FSTL4: variants seen among roughly 807,000 people sequenced by gnomAD.
The protein encoded by FSTL4 is follistatin-related protein 4.
FSTL4 carries 28 observed loss-of-function variants against 78.2 expected under a neutral mutation model. The observed-to-expected ratio is 0.36, with a 90% CI of 0.27 to 0.49. The LOEUF (loss-of-function observed/expected upper bound fraction) is 0.49. Among genes scored for constraint, FSTL4 ranks in the 20% least tolerant of loss-of-function variants. The probability of loss-of-function intolerance (pLI) is 0.98; values close to 1 mark genes in which losing one functional copy is unlikely to be tolerated. For synonymous variants in FSTL4, 422 were observed against 440.5 expected (o/e 0.96, Z 0.53); for missense variants, 922 against 1,084.9 (o/e 0.85, Z 2.11).
chr5:133,740,305 C>T, the FSTL4 span, among the ~76,000 whole-genome samples: 11 of 152,254 alleles, frequency 7.2e-5, no homozygotes, highest in East Asian at 2.1e-3. Flanking sequence ...GCATTCTCTC[C>T]TATAAGCACA....
At chr5:133,448,703 G>A (rs1757316019) in intron 3 of FSTL4, among the ~76,000 whole-genome samples, 1 of 127,584 alleles carries the variant, frequency 7.8e-6, no homozygotes, top group African/African-American at 2.9e-5. Context: ...CCCAAGGTCA[G>A]ACAGTGCGGC....
intron 4 of FSTL4, among the ~76,000 whole-genome samples, chr5:133,326,823 T>A (rs1006742813): frequency 6.6e-6 from 1 of 152,222 alleles, no homozygotes; most frequent in African/African-American, 2.4e-5. Flanking sequence ...CTTGGGTGAA[T>A]AACTTCACGT....
intron 4 of FSTL4, chr5:133,388,516 G>C (rs529870552): frequency 1.3e-5 from 2 of 151,802 alleles, no homozygotes; most frequent in African/African-American, 4.8e-5. Context: ...AACTGAAGGG[G>C]AGAAGCTGCC....
chr5:133,264,499 G>A (rs1055906672), intron 6 of FSTL4, among the ~76,000 whole-genome samples: 1 of 152,134 alleles, frequency 6.6e-6, no homozygotes. Flanking sequence ...CAGGCTTGGG[G>A]GGCTCACCTG....
chr5:133,657,481 AG>A, the FSTL4 span, among the ~76,000 whole-genome samples: 1 of 152,214 alleles, frequency 6.6e-6, no homozygotes, highest in East Asian at 1.9e-4. Context: ...TGCTCACTTC[AG>A]TGCACACAAT....
At chr5:133,682,315 C>A in the FSTL4 span, among the ~76,000 whole-genome samples, 85 of 152,332 alleles carry the variant, frequency 5.6e-4, no homozygotes, top group African/African-American at 1.8e-3. Flanking sequence ...CATTCCCAAT[C>A]CCCCTAGTCT....
intron 4 of FSTL4, among the ~76,000 whole-genome samples, chr5:133,348,058 T>A (rs1754734704): frequency 6.6e-6 from 1 of 152,172 alleles, no homozygotes; most frequent in South Asian, 2.1e-4. Context: ...CAGTGAATTG[T>A]TTTTTTCTCC....
In FSTL4 at chr5:133,249,526, C is replaced by A; in HGVS notation, c.778G>T (p.Val260Leu). 6.2e-7 allele frequency: 1 copy of A among 1,613,174 alleles called. No individual in the cohort carries two copies. The highest frequency in any genetic ancestry group is 8.5e-7 in the Non-Finnish European group (1 of 1,179,244). ...APEDRVSVTT[V>L]TVGLSTVLTC... ...AGCACTGTGCTCAGCCCCACGGTCACTGTGGTCACACTGACCCTGTCCTCG... is the reference window on the plus strand; with the variant it reads ...AGCACTGTGCTCAGCCCCACGGTCAATGTGGTCACACTGACCCTGTCCTCG... The change falls in exon 7 of 16, where the codon GTG becomes TTG. Residue 260 changes from valine (V) to leucine (L), a missense_variant. Physicochemically the swap from Val to Leu is conservative, Grantham distance 32. Coordinates refer to ENST00000265342, the MANE Select transcript of FSTL4 (RefSeq NM_015082.2).
chr5:133,593,767 T>C lies in FSTL4; in HGVS notation c.126+10091A>G, dbSNP rs564477727. On this transcript the variant is annotated intron_variant, in intron 2 of 15. Transcript: ENST00000265342. ...TATTACTTAATAAATATGCCCACTT[T>C]TCTTTAGGCTAAAGTTGAGATCTTA... 3.2e-4 allele frequency among the ~76,000 whole-genome samples: 48 copies of C among 152,332 alleles called. No individual in the cohort carries two copies. In the South Asian group the frequency reaches 6.6e-3, roughly 21 times the overall value.
chr5:133,795,269 G>A, the FSTL4 span, among the ~76,000 whole-genome samples: 1 of 152,224 alleles, frequency 6.6e-6, no homozygotes, highest in Admixed American at 6.5e-5. Flanking sequence ...AGGCCGGCAA[G>A]GGGATAGTGG....
the FSTL4 span, among the ~76,000 whole-genome samples, chr5:133,650,207 C>A: frequency 6.6e-6 from 1 of 152,152 alleles, no homozygotes; most frequent in East Asian, 1.9e-4. Context: ...GGATTCACCC[C>A]CATGACCCAA....
At chr5:133,529,200 T>C (rs1759199731) in intron 3 of FSTL4, among the ~76,000 whole-genome samples, 1 of 152,230 alleles carries the variant, frequency 6.6e-6, no homozygotes, top group South Asian at 2.1e-4. Context: ...ATGGAGACTA[T>C]TTGTTATTGG....
chr5:133,727,401 A>G, the FSTL4 span, among the ~76,000 whole-genome samples: 1 of 152,166 alleles, frequency 6.6e-6, no homozygotes, highest in African/African-American at 2.4e-5. Flanking sequence ...AGCTGTATCT[A>G]TATAATAAAT....
At chr5:133,319,941 T>C (rs1393978207) in intron 4 of FSTL4, among the ~76,000 whole-genome samples, 1 of 152,212 alleles carries the variant, frequency 6.6e-6, no homozygotes, top group East Asian at 1.9e-4. Context: ...CCATGGACCC[T>C]GGAGGAAAGG....
intron 3 of FSTL4, among the ~76,000 whole-genome samples, chr5:133,531,836 C>T (rs956261836): frequency 2.6e-5 from 4 of 152,184 alleles, no homozygotes; most frequent in Non-Finnish European, 5.9e-5. Context: ...CATCCATCCC[C>T]GTAGGACACA....
At chr5:133,749,482 G>T in the FSTL4 span, among the ~76,000 whole-genome samples, 1 of 152,190 alleles carries the variant, frequency 6.6e-6, no homozygotes, top group Non-Finnish European at 1.5e-5. Context: ...ATTTGCTCCC[G>T]CAGCTGAACC....
At chr5:133,598,645 C>G (rs2112974310) in intron 2 of FSTL4, among the ~76,000 whole-genome samples, 1 of 152,242 alleles carries the variant, frequency 6.6e-6, no homozygotes, top group African/African-American at 2.4e-5. Context: ...GAAGTGGCCC[C>G]CACATCAACC....
chr5:133,456,566 C>G (rs1350190889), intron 3 of FSTL4, among the ~76,000 whole-genome samples: 1 of 152,188 alleles, frequency 6.6e-6, no homozygotes, highest in African/African-American at 2.4e-5. Context: ...CTGCTGAGGC[C>G]AACAGCCCTT....
At chr5:133,462,619 C>T (rs1757615684) in intron 3 of FSTL4, among the ~76,000 whole-genome samples, 1 of 152,160 alleles carries the variant, frequency 6.6e-6, no homozygotes, top group South Asian at 2.1e-4. Flanking sequence ...CGGTAGACTA[C>T]CCTGGCCAGT....
Sources: allele counts gnomAD v4.1 joint callset (sites outside exome capture counted in the v4.1 genomes callset), GRCh38; gene constraint gnomAD v4.1.1; transcripts MANE v1.5; gene names NCBI Gene and HGNC (gene_info 2026-07-23, HGNC 2026-07-21).